KIF16B: variants seen among roughly 807,000 people sequenced by gnomAD.
The protein encoded by KIF16B is kinesin family member 16B.
Under a neutral mutation model 156.3 loss-of-function variants are expected in KIF16B, and 98 were observed. The observed-to-expected ratio is 0.63, with a 90% CI of 0.53 to 0.74. The LOEUF is 0.74. Among genes scored for constraint, KIF16B ranks in the 30% least tolerant of loss-of-function variants. The probability of loss-of-function intolerance (pLI) is 0.00; values close to 1 mark genes in which losing one functional copy is unlikely to be tolerated. For synonymous variants in KIF16B, 564 were observed against 583.7 expected, an observed-to-expected ratio of 0.97 and a Z score of 0.49; for missense variants, 1,421 against 1,606.5, an observed-to-expected ratio of 0.88 and a Z score of 1.97.
intron 12 of KIF16B, among the ~76,000 whole-genome samples, chr20:16,462,302 T>C (rs954656772): frequency 2.0e-5 from 3 of 152,170 alleles, no homozygotes; most frequent in Non-Finnish European, 2.9e-5. Context: ...TGTGTCTACC[T>C]GAGAGGGCCC....
intron 12 of KIF16B, among the ~76,000 whole-genome samples, chr20:16,461,788 A>G (rs2067352466): frequency 6.6e-6 from 1 of 152,250 alleles, no homozygotes; most frequent in Non-Finnish European, 1.5e-5. Context: ...TATGCCCAAA[A>G]GAATTAGAGA....
intron 15 of KIF16B, among the ~76,000 whole-genome samples, chr20:16,408,711 A>G (rs1169142238): frequency 6.6e-6 from 1 of 152,144 alleles, no homozygotes; most frequent in Admixed American, 6.6e-5. Flanking sequence ...AAATACACAC[A>G]AAAAGCCCTG....
In KIF16B at chr20:16,379,196, G is replaced by A. The variant is rs763792448; in HGVS notation, c.2806C>T (p.Leu936Phe). ...TGATAAAGAGTGTTGTCTAAGCTGA[G>A]AGGGCCTCTGTCAAGAATTTCAAAT... Reference protein sequence around the residue: ...RAFEILDRGPLSLDNTLYQVE... With the variant: ...RAFEILDRGPFSLDNTLYQVE... The change falls in exon 19 of 26, where the codon CTC becomes TTC. Residue 936 changes from leucine to phenylalanine, a missense_variant. Physicochemically the swap from Leu to Phe is conservative, Grantham distance 22. Coordinates refer to ENST00000354981, the MANE Select transcript of KIF16B (RefSeq NM_024704.5). 2 of 1,614,146 alleles carry A rather than the reference G, an allele frequency of 1.2e-6. No homozygotes were observed. Among genetic ancestry groups the A allele is most frequent in the Non-Finnish European group, 1.7e-6 (2 of 1,180,030 alleles).
At chr20:16,513,496 T>C (rs951429644) in intron 4 of KIF16B, among the ~76,000 whole-genome samples, 2 of 151,840 alleles carry the variant, frequency 1.3e-5, no homozygotes, top group Non-Finnish European at 2.9e-5. Flanking sequence ...GTGTCTCTAC[T>C]AAAAACCCAA....
chr20:16,347,767 C>T (rs2064260819), intron 23 of KIF16B, among the ~76,000 whole-genome samples: 2 of 152,180 alleles, frequency 1.3e-5, no homozygotes, highest in African/African-American at 4.8e-5. Flanking sequence ...AGCAACACTC[C>T]ATTTGTCTCG....
chr20:16,368,016 C>G (rs548463037), intron 22 of KIF16B: 1 of 1,415,122 alleles, frequency 7.1e-7, no homozygotes, highest in Non-Finnish European at 9.2e-7. Context: ...TTGACTGAAG[C>G]AGGAGCAAAC....
At chr20:16,396,817 G>A (rs1426938753) in intron 17 of KIF16B, among the ~76,000 whole-genome samples, 2 of 152,106 alleles carry the variant, frequency 1.3e-5, no homozygotes, top group Non-Finnish European at 2.9e-5. Context: ...CACTAGCCCT[G>A]ATGCTAACCA....
chr20:16,347,807 T>C (rs1002754239), intron 23 of KIF16B, among the ~76,000 whole-genome samples: 1 of 152,186 alleles, frequency 6.6e-6, no homozygotes, highest in Non-Finnish European at 1.5e-5. Flanking sequence ...AGGGAGATAA[T>C]CCATCAGTTG....
In KIF16B at chr20:16,375,041, T is replaced by C. The variant is rs368272891; in HGVS notation, c.3198-632A>G. Among the ~76,000 whole-genome samples the C allele has an allele frequency of 1.6e-4, 24 of 152,240 alleles. No individual in the cohort carries two copies. In the South Asian group the frequency reaches 4.8e-3, roughly 30 times the overall value. On this transcript the variant is annotated intron_variant, in intron 19 of 25. Transcript: ENST00000354981. ...GAAAAGACAGGCCTAGGAAAGTAGG[T>C]TGAGTTCCATGAGAAACTAAAATAA...
At chr20:16,474,107 C>A (rs1024771388) in intron 12 of KIF16B, among the ~76,000 whole-genome samples, 4 of 152,148 alleles carry the variant, frequency 2.6e-5, no homozygotes, top group Admixed American at 6.5e-5. Flanking sequence ...TCCTTCTTGC[C>A]CAATGCAGGA....
At chr20:16,324,931 C>T (rs1005814802) in intron 24 of KIF16B, among the ~76,000 whole-genome samples, 50 of 152,110 alleles carry the variant, frequency 3.3e-4, no homozygotes, top group Non-Finnish European at 6.0e-4. Flanking sequence ...AATCCAACAG[C>T]GTATCAAAAA....
intron 1 of KIF16B, among the ~76,000 whole-genome samples, chr20:16,544,282 C>T (rs2070315337): frequency 6.6e-6 from 1 of 152,034 alleles, no homozygotes; most frequent in Admixed American, 6.5e-5. Flanking sequence ...ATGTACCTAT[C>T]TAATCCAAGT....
chr20:16,480,568 A>G (rs564362516), intron 12 of KIF16B, among the ~76,000 whole-genome samples: 2 of 152,360 alleles, frequency 1.3e-5, no homozygotes, highest in South Asian at 4.1e-4. Context: ...AATGAGTAGG[A>G]ACTCAAAAAA....
At chr20:16,408,748 T>C (rs2065847495) in intron 15 of KIF16B, among the ~76,000 whole-genome samples, 1 of 152,110 alleles carries the variant, frequency 6.6e-6, no homozygotes, top group African/African-American at 2.4e-5. Context: ...AAAGCAAAAC[T>C]ATCATGACAA....
chr20:16,363,554 G>A (rs995249478), intron 22 of KIF16B, among the ~76,000 whole-genome samples: 2 of 152,148 alleles, frequency 1.3e-5, no homozygotes, highest in Admixed American at 1.3e-4. Flanking sequence ...CTTGATGGAC[G>A]GAGGGTACTT....
intron 25 of KIF16B, among the ~76,000 whole-genome samples, chr20:16,286,708 C>A (rs2063227427): frequency 6.6e-6 from 1 of 152,032 alleles, no homozygotes; most frequent in Admixed American, 6.6e-5. Context: ...TCCAACTAAC[C>A]AGTACAAGGT....
At chr20:16,428,143 A>T (rs1284388669) in intron 14 of KIF16B, among the ~76,000 whole-genome samples, 1 of 152,122 alleles carries the variant, frequency 6.6e-6, no homozygotes, top group Non-Finnish European at 1.5e-5. Flanking sequence ...AATGGTTTTT[A>T]TCTCTCTCAG....
chr20:16,339,547 C>T (rs1298335922), intron 23 of KIF16B, among the ~76,000 whole-genome samples: 4 of 152,228 alleles, frequency 2.6e-5, no homozygotes, highest in Non-Finnish European at 4.4e-5. Context: ...CTCGTATATC[C>T]GACTGGCTAC....
chr20:16,359,999 T>C (rs1216780942), intron 22 of KIF16B, among the ~76,000 whole-genome samples: 2 of 152,220 alleles, frequency 1.3e-5, no homozygotes, highest in African/African-American at 4.8e-5. Flanking sequence ...ACTGATTTCA[T>C]ATGAACTAAA....
Sources: gnomAD v4.1 joint callset for allele counts (sites outside exome capture counted in the v4.1 genomes callset) on GRCh38, gnomAD v4.1.1 for gene constraint, MANE v1.5 for transcripts, NCBI Gene and HGNC (gene_info 2026-07-23, HGNC 2026-07-21) for gene names.